ASB3: variants seen among roughly 807,000 people sequenced by gnomAD.
The protein encoded by ASB3 is ankyrin repeat and SOCS box protein 3.
ASB3 carries 41 observed loss-of-function variants against 54.5 expected under a neutral mutation model. The ratio of observed to expected loss-of-function variants is 0.75; its 90% CI spans 0.59 to 0.98. The LOEUF is 0.98. Among genes scored for constraint, ASB3 ranks in the 50% least tolerant of loss-of-function variants. The pLI, the probability that ASB3 is intolerant of heterozygous loss-of-function variation, is 0.00. For missense variants in ASB3, 733 were observed against 620.0 expected (o/e 1.18, Z -1.94); for synonymous variants, 266 against 221.2 (o/e 1.20, Z -1.80).
chr2:53,712,768 AGG>A (rs1491244199), intron 7 of ASB3, among the ~76,000 whole-genome samples: 42 of 148,978 alleles, frequency 2.8e-4, no homozygotes, highest in African/African-American at 9.8e-4. Flanking sequence ...ACACACACAC[AGG>A]CGCGCGCGCG....
chr2:53,755,612 A>G (rs1038930952), intron 2 of ASB3, among the ~76,000 whole-genome samples: 2 of 152,252 alleles, frequency 1.3e-5, no homozygotes, highest in African/African-American at 2.4e-5. Flanking sequence ...TTTAGGTATT[A>G]TAAGAAAAGG....
At chr2:53,783,405 A>G (rs1338129707) in intron 1 of ASB3, among the ~76,000 whole-genome samples, 1 of 151,984 alleles carries the variant, frequency 6.6e-6, no homozygotes, top group Non-Finnish European at 1.5e-5. Flanking sequence ...ATGTATTTGG[A>G]AGAACCTATC....
In ASB3 at chr2:53,720,728, T is replaced by C. The variant is rs146394131; in HGVS notation, c.605-3985A>G. ...GGGTGTAAATTCAACATTTGACCAATTGGACCTAATACACATCTAAAGAAC... is the reference window on the plus strand; with the variant it reads ...GGGTGTAAATTCAACATTTGACCAACTGGACCTAATACACATCTAAAGAAC... On this transcript the variant is annotated intron_variant, in intron 5 of 9. Transcript: ENST00000263634. Among the ~76,000 whole-genome samples, 161 of 152,240 alleles carry C rather than the reference T, an allele frequency of 1.1e-3. 1 individual carries two copies. Among genetic ancestry groups the C allele is most frequent in the African/African-American group, 3.8e-3 (158 of 41,534 alleles).
chr2:53,759,028 T>C (rs1008645631), intron 2 of ASB3, among the ~76,000 whole-genome samples: 1 of 152,226 alleles, frequency 6.6e-6, no homozygotes, highest in Non-Finnish European at 1.5e-5. Flanking sequence ...ACAGATATAA[T>C]GTTGCTGCTA....
intron 3 of ASB3, among the ~76,000 whole-genome samples, chr2:53,747,098 T>C (rs994667584): frequency 1.3e-5 from 2 of 152,160 alleles, no homozygotes; most frequent in Non-Finnish European, 2.9e-5. Context: ...CTCCAAATAC[T>C]AATAAAAGTA....
At chr2:53,765,295 TTAA>T in intron 2 of ASB3, 79 bp downstream of exon 2, 1 of 1,554,852 alleles carries the variant, frequency 6.4e-7, no homozygotes, top group Non-Finnish European at 8.7e-7. Flanking sequence ...AATACTACTG[TTAA>T]TAAGTTATGT....
rs1214049358 is a variant in ASB3, at chr2:53,670,678, G to T, written c.1382C>A (p.Ser461Tyr). The T allele has an allele frequency of 6.2e-7, 1 of 1,611,326 alleles. No homozygotes were observed. Among genetic ancestry groups the T allele is most frequent in the East Asian group, 2.2e-5 (1 of 44,808 alleles). ...TTCCAAACGACAAAGATGGGTCAGG[G>T]ATGGAACAGTGGCTGGAGAAACAAA... ...ILQQHIATVP[S>Y]LTHLCRLEIR... Residue 461 changes from serine (S) to tyrosine (Y), a missense_variant, in exon 10 of 10, where the codon TCC (serine) becomes TAC (tyrosine). By Grantham distance (144) the Ser-to-Tyr change is moderately radical. Transcript: ENST00000263634.
chr2:53,734,123 G>A lies in ASB3; in HGVS notation c.356-4553C>T, dbSNP rs529984360. Among the ~76,000 whole-genome samples, 25 of 152,254 alleles carry A rather than the reference G, an allele frequency of 1.6e-4. No individual in the cohort carries two copies. The East Asian group carries it at 4.5e-3, about 27-fold the overall frequency. ...GTAAACCCACATCCTTCCAGCGTGG[G>A]CGTTATGGCCATCACAAACATGTCA... is the stretch of plus-strand genomic sequence containing the variant. On this transcript the variant is annotated intron_variant, in intron 3 of 9. Transcript: ENST00000263634.
intron 3 of ASB3, among the ~76,000 whole-genome samples, chr2:53,749,875 T>C (rs1242754120): frequency 6.6e-6 from 1 of 152,056 alleles, no homozygotes; most frequent in African/African-American, 2.4e-5. Context: ...CAGAATTTTA[T>C]GAATACATCA....
chr2:53,718,901 A>C (rs542197290), intron 5 of ASB3, among the ~76,000 whole-genome samples: 11 of 152,146 alleles, frequency 7.2e-5, no homozygotes, highest in Non-Finnish European at 1.0e-4. Flanking sequence ...AAAAAAGGTC[A>C]GGGGTCACTA....
chr2:53,697,737 G>A (rs752373282), intron 8 of ASB3, among the ~76,000 whole-genome samples: 2 of 152,136 alleles, frequency 1.3e-5, no homozygotes, highest in Non-Finnish European at 2.9e-5. Flanking sequence ...AAATTCAAGA[G>A]GATTACCTTG....
At chr2:53,703,864 T>C (rs1456081228) in intron 7 of ASB3, among the ~76,000 whole-genome samples, 2 of 152,200 alleles carry the variant, frequency 1.3e-5, no homozygotes, top group Non-Finnish European at 2.9e-5. Flanking sequence ...AACACTATCA[T>C]AACACATTGT....
At chr2:53,697,837 C>A (rs1459682050) in intron 8 of ASB3, among the ~76,000 whole-genome samples, 1 of 152,174 alleles carries the variant, frequency 6.6e-6, no homozygotes, top group South Asian at 2.1e-4. Flanking sequence ...CAGGAAGCTC[C>A]ACCCCTATGA....
intron 9 of ASB3, among the ~76,000 whole-genome samples, chr2:53,689,590 C>G (rs1668803074): frequency 6.6e-6 from 1 of 152,130 alleles, no homozygotes. Flanking sequence ...AATAAATTAT[C>G]ATATGTAGTT....
At chr2:53,683,322 G>A (rs1183001787) in intron 9 of ASB3, among the ~76,000 whole-genome samples, 1 of 151,596 alleles carries the variant, frequency 6.6e-6, no homozygotes, top group African/African-American at 2.4e-5. Context: ...ATTCCACTTG[G>A]TCATGACGAA....
At chr2:53,671,297 C>T (rs917905514) in intron 9 of ASB3, among the ~76,000 whole-genome samples, 1 of 151,676 alleles carries the variant, frequency 6.6e-6, no homozygotes, top group Non-Finnish European at 1.5e-5. Context: ...TCCAAAGTCA[C>T]AGAGCTAGTA....
intron 9 of ASB3, among the ~76,000 whole-genome samples, chr2:53,689,652 G>C (rs991872740): frequency 1.3e-5 from 2 of 152,152 alleles, no homozygotes; most frequent in Non-Finnish European, 1.5e-5. Context: ...TGTGAGAAAA[G>C]AACATTGCTC....
rs1039602794 is a variant in ASB3, at chr2:53,729,528, T to G, written c.398A>C (p.Gln133Pro). Reference protein sequence around the residue: ...GQIDVLRLLLQHGANVNGSHS... With the variant: ...GQIDVLRLLLPHGANVNGSHS... The stretch of plus-strand genomic sequence containing the variant: ...GGATCCATTAACATTTGCTCCGTGT[T>G]GAAGCAACAGCCTTAACACATCTAT... The change falls in exon 4 of 10, where the codon CAA (glutamine) becomes CCA (proline). Residue 133 changes from glutamine (Q) to proline (P), a missense_variant. Transcript: ENST00000263634. The G allele has an allele frequency of 8.7e-6, 14 of 1,613,914 alleles. No homozygotes were observed. Among genetic ancestry groups the G allele is most frequent in the Non-Finnish European group, 1.1e-5 (13 of 1,179,826 alleles).
intron 6 of ASB3, among the ~76,000 whole-genome samples, chr2:53,715,945 A>C (rs1306480529): frequency 6.6e-6 from 1 of 152,228 alleles, no homozygotes; most frequent in Non-Finnish European, 1.5e-5. Context: ...ATTTCTAAAA[A>C]TTATTGACTG....
Sources: allele counts gnomAD v4.1 joint callset (sites outside exome capture counted in the v4.1 genomes callset), GRCh38; gene constraint gnomAD v4.1.1; transcripts MANE v1.5; gene names NCBI Gene and HGNC (gene_info 2026-07-23, HGNC 2026-07-21).